RBMS3: variants seen among roughly 807,000 people sequenced by gnomAD.
RBMS3 encodes RNA-binding motif, single-stranded-interacting protein 3.
RBMS3 carries 27 observed loss-of-function variants against 66.8 expected under a neutral mutation model. The observed-to-expected ratio is 0.40, with a 90% CI of 0.30 to 0.56. The LOEUF (loss-of-function observed/expected upper bound fraction) is 0.56, where lower values mean the gene tolerates loss of function less well. RBMS3 is among the 20% of genes least tolerant of loss of function. The pLI is 0.40. For missense variants in RBMS3, 513 were observed against 549.5 expected (o/e 0.93, Z 0.66); for synonymous variants, 188 against 183.0 (o/e 1.03, Z -0.22).
At chr3:29,992,132 G>C (rs1010486679) in intron 14 of RBMS3, among the ~76,000 whole-genome samples, 4 of 152,106 alleles carry the variant, frequency 2.6e-5, no homozygotes, top group African/African-American at 9.7e-5. Flanking sequence ...GATGAATAGA[G>C]AATCCCCCGA....
At chr3:29,564,321 C>CA (rs1215288609) in intron 3 of RBMS3, among the ~76,000 whole-genome samples, 1 of 151,578 alleles carries the variant, frequency 6.6e-6, no homozygotes, top group Non-Finnish European at 1.5e-5. Context: ...ACTAAAAATA[C>CA]AAAAAATACA....
chr3:29,962,667 C>T (rs1353512693), intron 12 of RBMS3, among the ~76,000 whole-genome samples: 1 of 151,558 alleles, frequency 6.6e-6, no homozygotes, highest in East Asian at 1.9e-4. Flanking sequence ...CCACTGGTGT[C>T]AATACCAGCT....
chr3:29,583,337 T>C (rs1204559762), intron 3 of RBMS3, among the ~76,000 whole-genome samples: 3 of 152,154 alleles, frequency 2.0e-5, no homozygotes, highest in Non-Finnish European at 4.4e-5. Flanking sequence ...AATAAGAGGC[T>C]GCCTGCTGGG....
chr3:30,004,757 ATTTT>A lies in RBMS3; in HGVS notation c.*899_*902del, dbSNP rs560077779. 1 of 152,106 alleles carries A rather than the reference ATTTT, an allele frequency of 6.6e-6. No individual in the cohort carries two copies. The highest frequency in any genetic ancestry group is 1.5e-5 in the Non-Finnish European group (1 of 67,750). 9.4% of individuals were successfully genotyped at this position (152,106 alleles called of 1,614,324 possible). On this transcript the variant is annotated 3_prime_UTR_variant, in exon 15 of 15. Transcript: ENST00000383767. ...TGCGTGTTTGGGGGGCAGAATGCAG[ATTTT>A]TTTAATTTACAAAGCGTGATCGCTA...
chr3:29,606,518 T>A (rs943492323), intron 4 of RBMS3, among the ~76,000 whole-genome samples: 1 of 151,972 alleles, frequency 6.6e-6, no homozygotes, highest in Non-Finnish European at 1.5e-5. Context: ...CATTAGAATC[T>A]TCCTCAGACT....
intron 1 of RBMS3, among the ~76,000 whole-genome samples, chr3:29,422,238 A>G (rs1180908751): frequency 6.6e-6 from 1 of 152,170 alleles, no homozygotes; most frequent in African/African-American, 2.4e-5. Flanking sequence ...TCCTGAGCCT[A>G]TGAAGAGTAT....
At chr3:29,375,574 A>C (rs1184595188) in intron 1 of RBMS3, among the ~76,000 whole-genome samples, 3 of 152,238 alleles carry the variant, frequency 2.0e-5, no homozygotes, top group South Asian at 2.1e-4. Flanking sequence ...AAAAGAAGAC[A>C]TACATGCAGC....
chr3:29,407,474 C>T (rs1324629619), intron 1 of RBMS3, among the ~76,000 whole-genome samples: 1 of 152,092 alleles, frequency 6.6e-6, no homozygotes, highest in Non-Finnish European at 1.5e-5. Flanking sequence ...TTAAAATATA[C>T]ATAGTCAAAA....
chr3:29,292,464 C>T (rs1420040407), intron 1 of RBMS3, among the ~76,000 whole-genome samples: 2 of 151,812 alleles, frequency 1.3e-5, no homozygotes, highest in Non-Finnish European at 2.9e-5. Flanking sequence ...ATTGTGGTAC[C>T]TTCTCATGAT....
intron 3 of RBMS3, among the ~76,000 whole-genome samples, chr3:29,532,982 T>C (rs2045423405): frequency 6.6e-6 from 1 of 152,204 alleles, no homozygotes; most frequent in South Asian, 2.1e-4. Context: ...GATCTTTTTT[T>C]TTAGGTACTG....
At chr3:29,566,616 A>T (rs926302199) in intron 3 of RBMS3, among the ~76,000 whole-genome samples, 18 of 138,936 alleles carry the variant, frequency 1.3e-4, no homozygotes, top group African/African-American at 5.0e-4. Flanking sequence ...AAATGTTGTC[A>T]TTCTGCAAAG....
intron 10 of RBMS3, among the ~76,000 whole-genome samples, chr3:29,914,442 T>A (rs1167573874): frequency 1.3e-5 from 2 of 151,850 alleles, no homozygotes; most frequent in Non-Finnish European, 2.9e-5. Flanking sequence ...AGAGAATAGA[T>A]GAGATTTCTA....
chr3:29,324,775 CTTCT>C (rs1425953933), intron 1 of RBMS3, among the ~76,000 whole-genome samples: 1 of 151,778 alleles, frequency 6.6e-6, no homozygotes, highest in East Asian at 1.9e-4. Context: ...TTTCTCTTTC[CTTCT>C]TTCTCTTTGC....
intron 1 of RBMS3, among the ~76,000 whole-genome samples, chr3:29,402,146 T>C (rs1170255407): frequency 6.6e-6 from 1 of 152,076 alleles, no homozygotes; most frequent in African/African-American, 2.4e-5. Context: ...TGGTAATATA[T>C]TGAAGACTAG....
intron 3 of RBMS3, among the ~76,000 whole-genome samples, chr3:29,558,703 A>G (rs1383480428): frequency 1.3e-5 from 2 of 152,194 alleles, no homozygotes; most frequent in East Asian, 3.8e-4. Context: ...TCGTCATCAC[A>G]ATTACATAAA....
At chr3:29,546,825 C>T (rs527552661) in intron 3 of RBMS3, among the ~76,000 whole-genome samples, 42 of 152,110 alleles carry the variant, frequency 2.8e-4, no homozygotes, top group Non-Finnish European at 5.1e-4. Context: ...CCTCTTCCTA[C>T]CTGAATCAGA....
intron 4 of RBMS3, among the ~76,000 whole-genome samples, chr3:29,731,803 G>A (rs1005217999): frequency 6.6e-6 from 1 of 152,016 alleles, no homozygotes; most frequent in African/African-American, 2.4e-5. Context: ...CCAATAGGAT[G>A]TCTCTACCTC....
intron 10 of RBMS3, among the ~76,000 whole-genome samples, chr3:29,916,204 A>G (rs1179207116): frequency 6.6e-6 from 1 of 151,960 alleles, no homozygotes. Flanking sequence ...ACTTTTCCTC[A>G]TATCCCTGTA....
At chr3:29,864,616 C>G (rs1446372652) in intron 6 of RBMS3, among the ~76,000 whole-genome samples, 2 of 152,046 alleles carry the variant, frequency 1.3e-5, no homozygotes, top group Non-Finnish European at 2.9e-5. Flanking sequence ...TGACACATGA[C>G]CGGGTTTCAC....
Sources: allele counts gnomAD v4.1 joint callset (sites outside exome capture counted in the v4.1 genomes callset), GRCh38; gene constraint gnomAD v4.1.1; transcripts MANE v1.5; gene names NCBI Gene and HGNC (gene_info 2026-07-23, HGNC 2026-07-21).